GIPC2: variants seen among roughly 807,000 people sequenced by gnomAD.
GIPC2 encodes the protein GIPC PDZ domain containing family member 2, also known as PDZ domain-containing protein GIPC2.
Under a neutral mutation model 30.6 loss-of-function variants are expected in GIPC2, and 30 were observed. The ratio of observed to expected loss-of-function variants is 0.98; its 90% confidence interval spans 0.73 to 1.33. The LOEUF (loss-of-function observed/expected upper bound fraction) is 1.33, where lower values mean the gene tolerates loss of function less well. Ranked by LOEUF, GIPC2 falls within the 40% of genes most tolerant of loss-of-function variation. The probability of loss-of-function intolerance (pLI) is 0.00; values close to 1 mark genes in which losing one functional copy is unlikely to be tolerated. For synonymous variants in GIPC2, 167 were observed against 150.0 expected (o/e 1.11, Z -0.83); for missense variants, 414 against 390.3 (o/e 1.06, Z -0.51).
chr1:78,079,963 G>A (rs1280128613), intron 1 of GIPC2, among the ~76,000 whole-genome samples: 2 of 151,982 alleles, frequency 1.3e-5, no homozygotes, highest in Non-Finnish European at 1.5e-5. Context: ...GGTACAAGTT[G>A]TTTTAAAATC....
chr1:78,046,889 A>G (rs915911944), intron 1 of GIPC2, among the ~76,000 whole-genome samples: 9 of 152,188 alleles, frequency 5.9e-5, no homozygotes, highest in African/African-American at 1.4e-4. Flanking sequence ...CTTTCCCCCA[A>G]TCTGTCATTT....
At chr1:78,056,268 G>A (rs892812897) in intron 1 of GIPC2, among the ~76,000 whole-genome samples, 3 of 152,164 alleles carry the variant, frequency 2.0e-5, no homozygotes, top group African/African-American at 7.2e-5. Flanking sequence ...CTTGAGCTCA[G>A]GAGTTCTTGA....
chr1:78,055,073 A>G (rs1388848063), intron 1 of GIPC2, among the ~76,000 whole-genome samples: 1 of 152,220 alleles, frequency 6.6e-6, no homozygotes, highest in Admixed American at 6.5e-5. Flanking sequence ...GCTTCTAAAC[A>G]ACAAAAATTT....
chr1:78,122,998 G>A (rs116712644), intron 4 of GIPC2, among the ~76,000 whole-genome samples: 3,805 of 152,160 alleles, frequency 0.025, 66 homozygotes, highest in Non-Finnish European at 0.038. Flanking sequence ...AGTAGCTCAC[G>A]CCTGTAATCC....
chr1:78,056,748 C>A (rs140549175), intron 1 of GIPC2, among the ~76,000 whole-genome samples: 108 of 152,296 alleles, frequency 7.1e-4, no homozygotes, highest in African/African-American at 2.4e-3. Context: ...TTCCATGTGC[C>A]CCTTCCCACT....
intron 3 of GIPC2, among the ~76,000 whole-genome samples, chr1:78,113,692 A>C (rs1022583808): frequency 9.2e-5 from 14 of 152,074 alleles, no homozygotes; most frequent in Admixed American, 6.5e-5. Context: ...CCCAGCCTAA[A>C]ATTTCTAATA....
chr1:78,103,171 T>G (rs904856714), intron 3 of GIPC2, among the ~76,000 whole-genome samples: 23 of 152,230 alleles, frequency 1.5e-4, no homozygotes, highest in African/African-American at 4.1e-4. Flanking sequence ...GTCAACATGC[T>G]TGCTGTCCTC....
chr1:78,093,723 A>G (rs1260520073), intron 2 of GIPC2, among the ~76,000 whole-genome samples: 1 of 152,172 alleles, frequency 6.6e-6, no homozygotes, highest in Non-Finnish European at 1.5e-5. Context: ...AGGGTAAAGA[A>G]TACACAACCT....
At chr1:78,045,079 G>A (rs1205833628), upstream of GIPC2, 63 of 983,320 alleles carry the variant, frequency 6.4e-5, no homozygotes, top group Non-Finnish European at 7.6e-5. Context: ...AGAATGAAAT[G>A]GGCAACGCAG....
chr1:78,055,738 T>A (rs1207774728), intron 1 of GIPC2, among the ~76,000 whole-genome samples: 3 of 152,086 alleles, frequency 2.0e-5, no homozygotes, highest in African/African-American at 7.2e-5. Flanking sequence ...ACAGGACCCT[T>A]GGGCCTGTGG....
intron 3 of GIPC2, 146 bp from the exon 4 acceptor site, chr1:78,119,247 G>A (rs991293345): frequency 5.7e-6 from 3 of 526,414 alleles, no homozygotes; most frequent in Admixed American, 6.7e-5. Context: ...ATTTTGCTTC[G>A]GGAAATTCTA....
chr1:78,126,003 C>A, intron 5 of GIPC2, 41 bp downstream of exon 5: 2 of 891,174 alleles, frequency 2.2e-6, no homozygotes, highest in South Asian at 1.4e-5. Flanking sequence ...ATCTCTTAAT[C>A]TGCTTAATGT....
chr1:78,107,308 C>T (rs758993075), intron 3 of GIPC2, among the ~76,000 whole-genome samples: 6 of 151,730 alleles, frequency 4.0e-5, no homozygotes, highest in Non-Finnish European at 5.9e-5. Flanking sequence ...ACCAACCTAG[C>T]GAATTTTTCA....
At chr1:78,057,902 G>A (rs1661325208) in intron 1 of GIPC2, among the ~76,000 whole-genome samples, 1 of 152,156 alleles carries the variant, frequency 6.6e-6, no homozygotes, top group South Asian at 2.1e-4. Context: ...AATAGACATT[G>A]TTGGGTTATT....
chr1:78,132,918 A>G (rs1662927833), intron 5 of GIPC2, among the ~76,000 whole-genome samples: 1 of 152,166 alleles, frequency 6.6e-6, no homozygotes, highest in African/African-American at 2.4e-5. Flanking sequence ...AGTTGTCTTA[A>G]TAAATGCTAC....
In GIPC2 at chr1:78,106,262, T is replaced by A. The variant is rs545364818; in HGVS notation, c.607+11130T>A. On this transcript the variant is annotated intron_variant, in intron 3 of 5. Coordinates refer to ENST00000370759, the MANE Select transcript of GIPC2 (RefSeq NM_017655.6). The stretch of plus-strand genomic sequence containing the variant: ...AAAAAAAAAAAAAAAGAAAAAAATG[T>A]GAAAAGGCAGATTACGGCAGGGTGT... Among the ~76,000 whole-genome samples the A allele has an allele frequency of 3.5e-3, 452 of 127,746 alleles. 3 individuals are homozygous for A. Among genetic ancestry groups the A allele is most frequent in the Middle Eastern group, 5.3e-3 (1 of 190 alleles). 83.8% of individuals were successfully genotyped at this position (127,746 alleles called of 152,430 possible). A position where few individuals can be genotyped will look rare whatever the true frequency, so the allele number is the denominator to read the frequency against.
At chr1:78,065,223 T>C (rs594852) in intron 1 of GIPC2, among the ~76,000 whole-genome samples, 34,300 of 152,066 alleles carry the variant, frequency 0.23, 4,199 homozygotes, top group East Asian at 0.49. Context: ...GAGTAGAACA[T>C]GTGTTTGGCT....
intron 1 of GIPC2, among the ~76,000 whole-genome samples, chr1:78,055,779 GT>G (rs1661284360): frequency 1.3e-5 from 2 of 152,176 alleles, no homozygotes. Context: ...AGCCTACAGG[GT>G]CATGTGGTAC....
At chr1:78,081,950 C>T (rs1661836820) in intron 2 of GIPC2, among the ~76,000 whole-genome samples, 1 of 152,158 alleles carries the variant, frequency 6.6e-6, no homozygotes, top group Admixed American at 6.6e-5. Flanking sequence ...GGATAAATTG[C>T]ATTTCTGCCA....
Sources: gnomAD v4.1 joint callset for allele counts (sites outside exome capture counted in the v4.1 genomes callset) on GRCh38, gnomAD v4.1.1 for gene constraint, MANE v1.5 for transcripts, NCBI Gene and HGNC (gene_info 2026-07-23, HGNC 2026-07-21) for gene names.